LPP: variants seen among roughly 807,000 people sequenced by gnomAD.
LPP encodes LIM domain containing preferred translocation partner in lipoma.
LPP carries 38 observed loss-of-function variants against 60.4 expected under a neutral mutation model. That is an observed-to-expected ratio of 0.63 (90% CI 0.49 to 0.83). The LOEUF is 0.83. Among genes scored for constraint, LPP ranks in the 40% least tolerant of loss-of-function variants. The pLI, the probability that LPP is intolerant of heterozygous loss-of-function variation, is 0.00. For synonymous variants in LPP, 328 were observed against 290.8 expected, an observed-to-expected ratio of 1.13 and a Z score of -1.30; for missense variants, 902 against 783.6, an observed-to-expected ratio of 1.15 and a Z score of -1.80.
At chr3:188,470,354 T>C (rs549397638) in intron 4 of LPP, among the ~76,000 whole-genome samples, 1 of 150,710 alleles carries the variant, frequency 6.6e-6, no homozygotes, top group African/African-American at 2.4e-5. Flanking sequence ...CATTTTGAAA[T>C]TGGTAGTCAC....
intron 1 of LPP, among the ~76,000 whole-genome samples, chr3:188,189,736 C>A (rs959188796): frequency 2.0e-5 from 3 of 152,152 alleles, no homozygotes; most frequent in African/African-American, 7.2e-5. Flanking sequence ...TAGGTCAGAA[C>A]TTGGCAGACA....
chr3:188,772,283 G>A (rs1026625671), intron 9 of LPP, among the ~76,000 whole-genome samples: 4 of 151,938 alleles, frequency 2.6e-5, no homozygotes, highest in Non-Finnish European at 5.9e-5. Flanking sequence ...TGCCTTTTCC[G>A]ATCTCCAGCC....
intron 9 of LPP, among the ~76,000 whole-genome samples, chr3:188,835,228 G>C (rs562948172): frequency 9.9e-5 from 15 of 151,546 alleles, no homozygotes; most frequent in Non-Finnish European, 1.6e-4. Context: ...GAGGCCGAGG[G>C]GGGCAGATCA....
At chr3:188,166,196 T>A (rs1577069674) in intron 1 of LPP, among the ~76,000 whole-genome samples, 1 of 152,168 alleles carries the variant, frequency 6.6e-6, no homozygotes, top group South Asian at 2.1e-4. Flanking sequence ...TTTCTTTTTG[T>A]TTTTTAAATT....
At chr3:188,819,149 C>G (rs1432435443) in intron 9 of LPP, among the ~76,000 whole-genome samples, 1 of 151,286 alleles carries the variant, frequency 6.6e-6, no homozygotes, top group Non-Finnish European at 1.5e-5. Context: ...AACACTTTAT[C>G]CTTTTCTTTT....
At chr3:188,749,100 T>C (rs1727223594) in intron 8 of LPP, among the ~76,000 whole-genome samples, 1 of 152,186 alleles carries the variant, frequency 6.6e-6, no homozygotes, top group Non-Finnish European at 1.5e-5. Flanking sequence ...TCTGGAGTCA[T>C]ACAGAAGCCA....
intron 6 of LPP, chr3:188,553,768 G>A (rs977463838): frequency 1.3e-5 from 2 of 152,204 alleles, no homozygotes. Flanking sequence ...GCAGAGGAAA[G>A]CAGCTAAACA....
chr3:188,493,703 T>A (rs145227582), intron 5 of LPP, among the ~76,000 whole-genome samples: 1 of 152,250 alleles, frequency 6.6e-6, no homozygotes, highest in East Asian at 1.9e-4. Flanking sequence ...CTGATGCCTC[T>A]CAAAGTGCTG....
intron 4 of LPP, among the ~76,000 whole-genome samples, chr3:188,417,168 T>C (rs1786523620): frequency 6.6e-6 from 1 of 152,078 alleles, no homozygotes; most frequent in Admixed American, 6.6e-5. Flanking sequence ...CTCTCCCTTA[T>C]TATATGTTCT....
At chr3:188,560,737 G>A (rs1281727996) in intron 6 of LPP, among the ~76,000 whole-genome samples, 3 of 152,076 alleles carry the variant, frequency 2.0e-5, no homozygotes, top group African/African-American at 4.8e-5. Flanking sequence ...TGCCCCTGAA[G>A]TAGTAACATT....
In LPP at chr3:188,876,560, G is replaced by A. The variant is rs1769277276; in HGVS notation, c.*2081G>A. The A allele has an allele frequency of 1.5e-5, 3 of 205,240 alleles. No homozygotes were observed. In the Admixed American group the frequency reaches 1.8e-4, roughly 12 times the overall value. The allele number at this position is 205,240 out of a possible 1,614,324, so 12.7% of individuals were successfully genotyped here. The stretch of plus-strand genomic sequence containing the variant: ...GTCTTCCAAATTGAAGCCAGACCAT[G>A]CTGATGACCTCAAGTAGCACTGACT... On this transcript the variant is annotated 3_prime_UTR_variant, in exon 12 of 12. Coordinates refer to ENST00000617246, the MANE Select transcript of LPP (RefSeq NM_001375462.1).
chr3:188,622,910 T>C lies in LPP; in HGVS notation c.1113+13066T>C, dbSNP rs143009969. Among the ~76,000 whole-genome samples the C allele has an allele frequency of 5.8e-3, 873 of 151,658 alleles. 6 individuals are homozygous for C. The highest frequency in any genetic ancestry group is 0.011 in the Non-Finnish European group (733 of 67,904). On this transcript the variant is annotated intron_variant, in intron 7 of 11. Transcript: ENST00000617246. ...AGGCGTGGTGGCGCATGCCTGTAAT[T>C]CCAGCTACTCAGGAGGCTGAGGCAG...
At chr3:188,401,019 TAG>T (rs1374281393) in intron 3 of LPP, among the ~76,000 whole-genome samples, 2 of 152,194 alleles carry the variant, frequency 1.3e-5, no homozygotes, top group African/African-American at 4.8e-5. Flanking sequence ...TCTAAAATAT[TAG>T]AGCTGATTGG....
At chr3:188,860,641 G>GA (rs113944782) in intron 9 of LPP, among the ~76,000 whole-genome samples, 25,187 of 150,566 alleles carry the variant, frequency 0.17, 3,141 homozygotes, top group African/African-American at 0.35. Context: ...TGGTTAAATA[G>GA]AAAAAAAAAA....
chr3:188,679,563 G>GTGCA (rs2149349546), intron 7 of LPP, among the ~76,000 whole-genome samples: 1 of 126,356 alleles, frequency 7.9e-6, no homozygotes, highest in African/African-American at 2.7e-5. Flanking sequence ...GTGTGTGTGT[G>GTGCA]CGCGCGCGCA....
At chr3:188,717,790 A>C (rs1030015857) in intron 8 of LPP, among the ~76,000 whole-genome samples, 40 of 152,074 alleles carry the variant, frequency 2.6e-4, no homozygotes, top group Admixed American at 4.6e-4. Context: ...GCATACATTA[A>C]TTTTTTATTA....
At chr3:188,466,804 AACATATATATATATATATATATATATAT>A (rs1293609535) in intron 4 of LPP, among the ~76,000 whole-genome samples, 4 of 72,938 alleles carry the variant, frequency 5.5e-5, no homozygotes, top group African/African-American at 9.7e-5. Context: ...GTCATCTCAG[AACATATATATATATATATATATATATAT>A]ATATATATAT....
chr3:188,296,326 C>T (rs1417260343), intron 2 of LPP, among the ~76,000 whole-genome samples: 4 of 151,990 alleles, frequency 2.6e-5, no homozygotes, highest in Non-Finnish European at 5.9e-5. Context: ...AGTGAGGATT[C>T]GGGGGATGGA....
chr3:188,371,981 T>TTTTTC (rs1333372865), intron 3 of LPP, among the ~76,000 whole-genome samples: 1 of 150,168 alleles, frequency 6.7e-6, no homozygotes, highest in Non-Finnish European at 1.5e-5. Context: ...TTATAAGGGC[T>TTTTTC]TTTTCTTTTC....
Sources: gnomAD v4.1 joint callset for allele counts (sites outside exome capture counted in the v4.1 genomes callset) on GRCh38, gnomAD v4.1.1 for gene constraint, MANE v1.5 for transcripts, NCBI Gene and HGNC (gene_info 2026-07-23, HGNC 2026-07-21) for gene names.